Variants in CEP128 observed in about 807,000 individuals in gnomAD.
CEP128 encodes the protein centrosomal protein 128kDa.
A neutral mutation model predicts 156.7 loss-of-function variants in CEP128; 132 were observed. That is an observed-to-expected ratio of 0.84 (90% CI 0.73 to 0.97). The LOEUF is 0.97. Ranked by LOEUF, CEP128 falls within the 50% of genes least tolerant of loss-of-function variation. The pLI is 0.00. For synonymous variants in CEP128, 469 were observed against 448.9 expected (o/e 1.04, Z -0.57); for missense variants, 1,252 against 1,281.9 (o/e 0.98, Z 0.36).
At chr14:80,499,702 A>T (rs139132117) in intron 24 of CEP128, among the ~76,000 whole-genome samples, 1 of 152,338 alleles carries the variant, frequency 6.6e-6, no homozygotes, top group East Asian at 1.9e-4. Context: ...AAGTCATCAG[A>T]TTACTATGGA....
intron 20 of CEP128, among the ~76,000 whole-genome samples, chr14:80,560,921 G>A (rs1195278235): frequency 6.6e-6 from 1 of 151,868 alleles, no homozygotes; most frequent in East Asian, 1.9e-4. Context: ...TACTAATTCT[G>A]TCCCTCTAAG....
Position 80,862,813 on chromosome 14 carries a change from C to G in CEP128, c.706G>C (p.Glu236Gln), listed in dbSNP as rs1887580707. 24 of 1,614,090 alleles carry G rather than the reference C, an allele frequency of 1.5e-5. No homozygotes were observed. Among genetic ancestry groups the G allele is most frequent in the Non-Finnish European group, 2.0e-5 (24 of 1,179,962 alleles). ...ELEREMRTER[E>Q]LVERRQDQLG... ...TGATCCTGGCGTCTTTCCACCAGCT[C>G]CCTTTCTGTGCGCATCTCTCTCTCC... Residue 236 changes from glutamate to glutamine, a missense_variant, in exon 9 of 25, where the codon GAG (glutamate) becomes CAG (glutamine). Coordinates refer to ENST00000555265, the MANE Select transcript of CEP128 (RefSeq NM_152446.5).
chr14:80,841,925 G>A (rs1400857884), intron 9 of CEP128, among the ~76,000 whole-genome samples: 1 of 151,858 alleles, frequency 6.6e-6, no homozygotes, highest in African/African-American at 2.4e-5. Context: ...GGTAATAATA[G>A]CCTGGGTAAC....
intron 21 of CEP128, among the ~76,000 whole-genome samples, chr14:80,554,992 C>G (rs1890368929): frequency 6.6e-6 from 1 of 152,024 alleles, no homozygotes; most frequent in Non-Finnish European, 1.5e-5. Context: ...CCAGTATGAA[C>G]TAACATTTGG....
At chr14:80,867,560 A>C (rs1887826371) in intron 8 of CEP128, among the ~76,000 whole-genome samples, 1 of 152,156 alleles carries the variant, frequency 6.6e-6, no homozygotes, top group African/African-American at 2.4e-5. Context: ...AGAAATTCTT[A>C]ATCTAAACAA....
chr14:80,598,934 T>C (rs1566803181), intron 19 of CEP128, among the ~76,000 whole-genome samples: 1 of 152,208 alleles, frequency 6.6e-6, no homozygotes, highest in Non-Finnish European at 1.5e-5. Context: ...TAGATCTTCA[T>C]GTTGATGGAA....
intron 11 of CEP128, among the ~76,000 whole-genome samples, chr14:80,837,900 T>C (rs903680415): frequency 6.6e-6 from 1 of 152,162 alleles, no homozygotes. Context: ...CCTGGGAAAA[T>C]TTTATCTTAT....
In CEP128 at chr14:80,819,239, C is replaced by CTTTTT. The variant is rs1187431254; in HGVS notation, c.1209+11899_1209+11903dup. 1.4e-3 allele frequency among the ~76,000 whole-genome samples: 112 copies of CTTTTT among 82,742 alleles called. 2 individuals carry two copies. The highest frequency in any genetic ancestry group is 3.0e-3 in the African/African-American group (53 of 17,808). 54.3% of individuals were successfully genotyped at this position (82,742 alleles called of 152,430 possible). A position where few individuals can be genotyped will look rare whatever the true frequency, so the allele number is the denominator to read the frequency against. On this transcript the variant is annotated intron_variant, in intron 13 of 24. Transcript: ENST00000555265. ...AGCAAGCCAGCTCTCTGGCATCTTC[C>CTTTTT]TTTTTTTTTTTTTTTTTTTTTTTTT...
At chr14:80,527,467 T>C (rs1231067164) in intron 22 of CEP128, among the ~76,000 whole-genome samples, 2 of 150,372 alleles carry the variant, frequency 1.3e-5, no homozygotes, top group Middle Eastern at 3.5e-3. Flanking sequence ...AAGAAGAAAA[T>C]TGTCACTGTG....
intron 4 of CEP128, among the ~76,000 whole-genome samples, chr14:80,909,696 A>G (rs1595577039): frequency 1.3e-5 from 2 of 152,142 alleles, no homozygotes; most frequent in Non-Finnish European, 2.9e-5. Flanking sequence ...CTAAAAATGT[A>G]ATAGAATTAA....
At chr14:80,948,136 C>T (rs1337708812) in intron 2 of CEP128, among the ~76,000 whole-genome samples, 2 of 152,176 alleles carry the variant, frequency 1.3e-5, no homozygotes, top group African/African-American at 4.8e-5. Context: ...AAAATTCTCT[C>T]TCAATCAAGT....
intron 23 of CEP128, among the ~76,000 whole-genome samples, chr14:80,506,108 G>A (rs117148888): frequency 0.027 from 4,098 of 152,200 alleles, 81 homozygotes; most frequent in Middle Eastern, 0.092. Context: ...ATGAATCCAC[G>A]AAATCAGCCA....
At chr14:80,647,118 C>T (rs910948387) in intron 19 of CEP128, among the ~76,000 whole-genome samples, 3 of 121,356 alleles carry the variant, frequency 2.5e-5, no homozygotes, top group South Asian at 2.8e-4. Context: ...CACACACACA[C>T]ACACACATAC....
chr14:80,779,309 G>A lies in CEP128; in HGVS notation c.2212-1263C>T, dbSNP rs1900972316. On this transcript the variant is annotated intron_variant, in intron 15 of 24. Coordinates refer to ENST00000555265, the MANE Select transcript of CEP128 (RefSeq NM_152446.5). The stretch of plus-strand genomic sequence containing the variant: ...AAAGAAAGAAGTTTTGTGAGTTTTA[G>A]ACAAAATCTTTATTTTATTTACCCC... Among the ~76,000 whole-genome samples, 4 of 152,094 alleles carry A rather than the reference G, an allele frequency of 2.6e-5. No homozygotes were observed. The South Asian group carries it at 6.2e-4, about 24-fold the overall frequency.
chr14:80,899,921 C>T lies in CEP128; in HGVS notation c.572+17G>A, dbSNP rs370959460. ...TCATAATTTATCCCTCCCATAAAAA[C>T]CATAGGCTGCTTTTACCGGCTCCTT... On this transcript the variant is annotated intron_variant, in intron 7 of 24. Transcript: ENST00000555265. 5.9e-5 allele frequency: 93 copies of T among 1,572,640 alleles called. No homozygotes were observed. In the African/African-American group the frequency reaches 8.4e-4, roughly 14 times the overall value.
At chr14:80,526,590 G>A (rs181361121) in intron 23 of CEP128, 13 of 235,508 alleles carry the variant, frequency 5.5e-5, no homozygotes, top group Non-Finnish European at 9.0e-5. Flanking sequence ...GTGACCAGGG[G>A]TTTCTTGGCT....
At chr14:80,733,767 AACT>A (rs1347044506) in intron 19 of CEP128, among the ~76,000 whole-genome samples, 1 of 152,174 alleles carries the variant, frequency 6.6e-6, no homozygotes, top group African/African-American at 2.4e-5. Context: ...TATTTTCAGC[AACT>A]ACATCTATTA....
At chr14:80,814,464 C>A (rs182588258) in intron 13 of CEP128, among the ~76,000 whole-genome samples, 1 of 146,536 alleles carries the variant, frequency 6.8e-6, no homozygotes, top group African/African-American at 2.6e-5. Flanking sequence ...CTTCCTAGCA[C>A]AATCCACCAT....
At chr14:80,857,728 C>T (rs1390523505) in intron 9 of CEP128, among the ~76,000 whole-genome samples, 1 of 147,158 alleles carries the variant, frequency 6.8e-6, no homozygotes, top group African/African-American at 2.5e-5. Flanking sequence ...CAGAGTGACC[C>T]CATCTCAAAA....
Sources: gnomAD v4.1 joint callset for allele counts (sites outside exome capture counted in the v4.1 genomes callset) on GRCh38, gnomAD v4.1.1 for gene constraint, MANE v1.5 for transcripts, NCBI Gene and HGNC (gene_info 2026-07-23, HGNC 2026-07-21) for gene names.